The following IP6K3 variants were observed in gnomAD, a reference collection of about 807,000 sequenced individuals.
The protein encoded by IP6K3 is ATP:1D-myo-inositol-hexakisphosphate phosphotransferase.
A neutral mutation model predicts 28.8 loss-of-function variants in IP6K3; 20 were observed. The observed-to-expected ratio is 0.70, with a 90% CI of 0.49 to 1.01. IP6K3 has a LOEUF of 1.01. Ranked by LOEUF, IP6K3 falls within the 50% of genes least tolerant of loss-of-function variation. The probability of loss-of-function intolerance (pLI) is 0.00; values close to 1 mark genes in which losing one functional copy is unlikely to be tolerated. For missense variants in IP6K3, 480 were observed against 537.1 expected (o/e 0.89, Z 1.05); for synonymous variants, 213 against 221.3 (o/e 0.96, Z 0.33).
intron 2 of IP6K3, among the ~76,000 whole-genome samples, chr6:33,729,838 C>T (rs1264830780): frequency 5.9e-5 from 9 of 151,976 alleles, no homozygotes; most frequent in African/African-American, 1.7e-4. Context: ...CTCAGCCTTC[C>T]GAGTAGCTTG....
At chr6:33,727,022 C>T (rs1183251736) in intron 3 of IP6K3, 116 bp from the exon 4 acceptor site, 2 of 1,086,732 alleles carry the variant, frequency 1.8e-6, no homozygotes, top group African/African-American at 3.2e-5. Context: ...CAGCTGCTCT[C>T]CAGGGCAGCC....
chr6:33,740,203 A>C (rs1021970122), intron 1 of IP6K3, among the ~76,000 whole-genome samples: 1 of 151,978 alleles, frequency 6.6e-6, no homozygotes, highest in Non-Finnish European at 1.5e-5. Context: ...GCATAGGGGG[A>C]GTAAGAATAA....
intron 5 of IP6K3, among the ~76,000 whole-genome samples, chr6:33,725,228 C>CA (rs10570024): frequency 0.17 from 19,905 of 116,528 alleles, 1,682 homozygotes; most frequent in Middle Eastern, 0.23. Context: ...GACTCCGTCT[C>CA]AAAAAAAAAA....
intron 1 of IP6K3, among the ~76,000 whole-genome samples, chr6:33,738,112 C>T (rs1209558449): frequency 2.0e-5 from 3 of 152,262 alleles, no homozygotes; most frequent in Non-Finnish European, 2.9e-5. Context: ...CCTCCCCTCT[C>T]GCTGGGCTTG....
At chr6:33,730,323 C>T (rs1010345629) in intron 2 of IP6K3, among the ~76,000 whole-genome samples, 22 of 152,338 alleles carry the variant, frequency 1.4e-4, no homozygotes, top group African/African-American at 3.8e-4. Flanking sequence ...CCTAGCTGAG[C>T]GGTCTCCCTG....
At chr6:33,725,640 G>T in intron 4 of IP6K3, 24 bp from the exon 5 acceptor site, 5 of 1,602,318 alleles carry the variant, frequency 3.1e-6, no homozygotes, top group Non-Finnish European at 4.3e-6. Flanking sequence ...GTTAAGGAAG[G>T]CTCTGAGGAC....
At chr6:33,724,426 T>C (rs1342733212) in intron 5 of IP6K3, among the ~76,000 whole-genome samples, 1 of 152,234 alleles carries the variant, frequency 6.6e-6, no homozygotes, top group East Asian at 1.9e-4. Flanking sequence ...AATCAGTGTC[T>C]GGTTTTGCTT....
intron 2 of IP6K3, among the ~76,000 whole-genome samples, chr6:33,733,534 C>G (rs1261772770): frequency 6.6e-6 from 1 of 152,254 alleles, no homozygotes; most frequent in East Asian, 1.9e-4. Flanking sequence ...GTGGAGCAAG[C>G]GTGAAATGGT....
intron 2 of IP6K3, among the ~76,000 whole-genome samples, chr6:33,728,841 C>T (rs2127352704): frequency 6.6e-6 from 1 of 152,314 alleles, no homozygotes. Context: ...AAGGCTTCCT[C>T]TCACAGCCTT....
intron 5 of IP6K3, among the ~76,000 whole-genome samples, chr6:33,723,572 T>C (rs1765992262): frequency 6.6e-6 from 1 of 152,224 alleles, no homozygotes; most frequent in Admixed American, 6.5e-5. Context: ...TAGAAAGCTT[T>C]AATAGGAATC....
chr6:33,742,407 A>G lies in IP6K3; in HGVS notation c.-180+4351T>C, dbSNP rs370917501. 1.3e-5 allele frequency among the ~76,000 whole-genome samples: 2 copies of G among 152,226 alleles called. No homozygotes were observed. Among genetic ancestry groups the G allele is most frequent in the East Asian group, 1.9e-4 (1 of 5,168 alleles). ...GTTTGCCTCAGTAACCTGTGTCAGGATAGGGAGCTTTCAGAAGCTGCACCT... is the reference window on the plus strand; with the variant it reads ...GTTTGCCTCAGTAACCTGTGTCAGGGTAGGGAGCTTTCAGAAGCTGCACCT... On this transcript the variant is annotated intron_variant, in intron 1 of 5. Transcript: ENST00000293756. This position sits in a 1 kb window ranked among gnomAD's most constrained non-coding sequence, Gnocchi z 4.5.
upstream of IP6K3, among the ~76,000 whole-genome samples, chr6:33,748,852 T>TGGG (rs147497316): frequency 1.6e-4 from 25 of 151,532 alleles, 1 homozygote; most frequent in African/African-American, 5.8e-4. Flanking sequence ...TGGTTTAAAG[T>TGGG]GGGGTGGGGA....
the IP6K3 span, among the ~76,000 whole-genome samples, chr6:33,753,871 C>T: frequency 1.3e-5 from 2 of 151,992 alleles, no homozygotes; most frequent in Non-Finnish European, 2.9e-5. Flanking sequence ...TGCAGTGGCG[C>T]GATCTCAGCT....
At chr6:33,735,942 A>G (rs945972738) in intron 1 of IP6K3, among the ~76,000 whole-genome samples, 4 of 152,108 alleles carry the variant, frequency 2.6e-5, no homozygotes, top group Non-Finnish European at 5.9e-5. Context: ...ATCTTGGCTC[A>G]CTGCAGGCTT....
Position 33,725,464 on chromosome 6 carries a change from C to A in IP6K3, c.742G>T (p.Gly248Cys), listed in dbSNP as rs755301351. 6.2e-7 allele frequency: 1 copy of A among 1,612,244 alleles called. No homozygotes were observed. Among genetic ancestry groups the A allele is most frequent in the Admixed American group, 1.7e-5 (1 of 60,024 alleles). Reference sequence around the variant, plus strand: ...ACCTGCATGCCGCAGATGCGCACACCCAGGCAGGCTGAGGTGCTCTGCGCA... The same window carrying A: ...ACCTGCATGCCGCAGATGCGCACACACAGGCAGGCTGAGGTGCTCTGCGCA... ...KCAQSTSACLGVRICGMQVYQ... is the reference protein window; with the variant it reads ...KCAQSTSACLCVRICGMQVYQ... Residue 248 changes from glycine to cysteine, a missense_variant, in exon 5 of 6, where the codon GGT becomes TGT. By Grantham distance (159) the Gly-to-Cys change is radical (BLOSUM62 -3). Coordinates refer to ENST00000293756, the MANE Select transcript of IP6K3 (RefSeq NM_054111.5).
chr6:33,759,867 C>T, the IP6K3 span, among the ~76,000 whole-genome samples: 18,095 of 150,396 alleles, frequency 0.12, 1,443 homozygotes, highest in Middle Eastern at 0.22. Flanking sequence ...AGTGAGACTC[C>T]GTCTAAAAAA....
At chr6:33,749,317 C>T (rs967815378), upstream of IP6K3, among the ~76,000 whole-genome samples, 1 of 152,074 alleles carries the variant, frequency 6.6e-6, no homozygotes, top group Admixed American at 6.6e-5. Context: ...TTTTCGAGCC[C>T]TTAATATGTG....
In IP6K3 at chr6:33,723,157, A is replaced by G; in HGVS notation, c.796T>C (p.Cys266Arg). Residue 266 changes from cysteine to arginine, a missense_variant, in exon 6 of 6, where the codon TGC (cysteine) becomes CGC (arginine). Coordinates refer to ENST00000293756, the MANE Select transcript of IP6K3 (RefSeq NM_054111.5). ...VYQTDKKYFL[C>R]KDKYYGRKLS... Reference sequence around the variant, plus strand: ...TTTCTTCCATAGTACTTGTCTTTGCAGAGAAAGTACTTCTTATCTGTTTGA... The same window carrying G: ...TTTCTTCCATAGTACTTGTCTTTGCGGAGAAAGTACTTCTTATCTGTTTGA... 2.5e-6 allele frequency: 4 copies of G among 1,598,544 alleles called. No homozygotes were observed. The highest frequency in any genetic ancestry group is 2.6e-6 in the Non-Finnish European group (3 of 1,172,302).
chr6:33,723,535 T>A (rs1765991280), intron 5 of IP6K3, among the ~76,000 whole-genome samples: 1 of 152,246 alleles, frequency 6.6e-6, no homozygotes, highest in Non-Finnish European at 1.5e-5. Flanking sequence ...CTGGCCCTCT[T>A]CAATTCAAAT....
Sources: allele counts gnomAD v4.1 joint callset (sites outside exome capture counted in the v4.1 genomes callset), GRCh38; gene constraint gnomAD v4.1.1; non-coding constraint Gnocchi (gnomAD v3.1); transcripts MANE v1.5; gene names NCBI Gene and HGNC (gene_info 2026-07-23, HGNC 2026-07-21).